Variants in ASPH observed in about 807,000 individuals in gnomAD.
ASPH encodes aspartate beta-hydroxylase, also known as aspartyl/asparaginyl beta-hydroxylase.
ASPH carries 100 observed loss-of-function variants against 118.4 expected under a neutral mutation model. The ratio of observed to expected loss-of-function variants is 0.84; its 90% CI spans 0.72 to 1.00. The LOEUF is 1.00. Among genes scored for constraint, ASPH ranks in the 50% least tolerant of loss-of-function variants. The probability of loss-of-function intolerance (pLI) is 0.00; values close to 1 mark genes in which losing one functional copy is unlikely to be tolerated. For missense variants in ASPH, 920 were observed against 919.5 expected (o/e 1.00, Z -0.01); for synonymous variants, 315 against 325.6 (o/e 0.97, Z 0.35).
At chr8:61,650,636 A>C (rs904433608) in intron 5 of ASPH, among the ~76,000 whole-genome samples, 2 of 152,138 alleles carry the variant, frequency 1.3e-5, no homozygotes, top group Non-Finnish European at 2.9e-5. Flanking sequence ...AGTGCAACCT[A>C]TGTAATTAAA....
intron 21 of ASPH, among the ~76,000 whole-genome samples, chr8:61,544,291 T>C (rs533276687): frequency 6.6e-6 from 1 of 152,362 alleles, no homozygotes; most frequent in Non-Finnish European, 1.5e-5. Context: ...TACAGAGTTC[T>C]AAAGAAGTTG....
At chr8:61,665,624 TA>T in intron 3 of ASPH, 2 of 1,545,526 alleles carry the variant, frequency 1.3e-6, no homozygotes, top group Non-Finnish European at 1.7e-6. Context: ...ATTTTCCAAT[TA>T]AAGGAAAAAA....
At chr8:61,708,099 T>C (rs1278965606) in intron 1 of ASPH, among the ~76,000 whole-genome samples, 2 of 152,222 alleles carry the variant, frequency 1.3e-5, no homozygotes, top group African/African-American at 4.8e-5. Flanking sequence ...TCTAGGAATC[T>C]GATAATGTTT....
intron 14 of ASPH, among the ~76,000 whole-genome samples, chr8:61,605,583 GT>G (rs1316902437): frequency 1.3e-5 from 2 of 152,168 alleles, no homozygotes; most frequent in Non-Finnish European, 2.9e-5. Context: ...AATTAAATAA[GT>G]GATTTCACAC....
intron 4 of ASPH, among the ~76,000 whole-genome samples, chr8:61,652,164 T>C (rs1351403287): frequency 2.0e-5 from 3 of 152,234 alleles, no homozygotes; most frequent in Non-Finnish European, 4.4e-5. Flanking sequence ...TTATAGAGTC[T>C]GCCAATCGCC....
At chr8:61,683,367 G>C (rs1295944599) in intron 2 of ASPH, among the ~76,000 whole-genome samples, 1 of 151,924 alleles carries the variant, frequency 6.6e-6, no homozygotes, top group Non-Finnish European at 1.5e-5. Flanking sequence ...AGGAGAATGT[G>C]ACTCCAAAAA....
chr8:61,591,072 T>G (rs73265171), intron 14 of ASPH, among the ~76,000 whole-genome samples: 5,374 of 152,258 alleles, frequency 0.035, 310 homozygotes, highest in African/African-American at 0.12. Flanking sequence ...CCCACCTTCC[T>G]CCCTTGCTGG....
At chr8:61,624,874 C>T (rs549943093) in intron 13 of ASPH, 17 of 985,534 alleles carry the variant, frequency 1.7e-5, no homozygotes, top group South Asian at 9.4e-5. Flanking sequence ...TCTGTATCAC[C>T]GACAGCACAG....
rs1400141448 is a variant in ASPH at position 61,501,251 on chromosome 8, T to G, written c.*2108A>C. On this transcript the variant is annotated 3_prime_UTR_variant, in exon 25 of 25. Transcript: ENST00000379454. ...AAGTGAATTAGAAAATCCATTTTATTGCTTGGGTTTAAAATAGTTGTGGGA... is the reference window on the plus strand; with the variant it reads ...AAGTGAATTAGAAAATCCATTTTATGGCTTGGGTTTAAAATAGTTGTGGGA... 1 of 152,192 alleles carries G rather than the reference T, an allele frequency of 6.6e-6. No homozygotes were observed. Among genetic ancestry groups the G allele is most frequent in the East Asian group, 1.9e-4 (1 of 5,202 alleles). 9.4% of individuals were successfully genotyped at this position (152,192 alleles called of 1,614,324 possible).
chr8:61,665,088 T>C, intron 3 of ASPH: 3 of 1,401,728 alleles, frequency 2.1e-6, no homozygotes, highest in Non-Finnish European at 2.8e-6. Flanking sequence ...TATGAGACGG[T>C]ATATTTAAAT....
chr8:61,703,854 T>G (rs1364176567), intron 1 of ASPH, among the ~76,000 whole-genome samples: 2 of 152,196 alleles, frequency 1.3e-5, no homozygotes, highest in African/African-American at 2.4e-5. Context: ...GGATTTACAC[T>G]ACCTAGTTTT....
At chr8:61,689,113 C>T (rs1194439010) in intron 1 of ASPH, among the ~76,000 whole-genome samples, 1 of 152,022 alleles carries the variant, frequency 6.6e-6, no homozygotes, top group Non-Finnish European at 1.5e-5. Context: ...CAAATATATA[C>T]AAAACATTAA....
At chr8:61,665,130 T>G (rs754214542) in intron 3 of ASPH, 41 of 1,467,676 alleles carry the variant, frequency 2.8e-5, no homozygotes, top group Non-Finnish European at 3.5e-5. Flanking sequence ...GCACCAATGA[T>G]ACATTCAATG....
At position 61,526,016 on chromosome 8, in the gene ASPH, C is replaced by G; in HGVS notation, c.1861G>C (p.Glu621Gln). The G allele has an allele frequency of 1.2e-6, 2 of 1,614,014 alleles. No homozygotes were observed. Among genetic ancestry groups the G allele is most frequent in the Non-Finnish European group, 1.7e-6 (2 of 1,179,926 alleles). The change falls in exon 22 of 25, where the codon GAA becomes CAA. Residue 621 changes from glutamate to glutamine, a missense_variant. By Grantham distance (29) the Glu-to-Gln change is conservative (BLOSUM62 2). Coordinates refer to ENST00000379454, the MANE Select transcript of ASPH (RefSeq NM_004318.4). ...LFLPEDENLR[E>Q]KGDWSQFTLW... ...GTGAACTGGCTCCAGTCCCCTTTTT[C>G]CCTCAGGTTTTCATCCTCAGGCAGG...
chr8:61,578,862 G>C (rs1176283470), intron 15 of ASPH: 7 of 1,612,766 alleles, frequency 4.3e-6, no homozygotes, highest in Non-Finnish European at 5.9e-6. Flanking sequence ...GTCTCGCCTG[G>C]AAGGGCTGAC....
intron 22 of ASPH, among the ~76,000 whole-genome samples, chr8:61,524,295 G>T (rs1465514368): frequency 6.6e-6 from 1 of 151,820 alleles, no homozygotes; most frequent in Non-Finnish European, 1.5e-5. Context: ...AGCTTTAAAT[G>T]CTATTATTAA....
intron 13 of ASPH, among the ~76,000 whole-genome samples, 188 bp from the exon 14 acceptor site, chr8:61,619,207 G>T (rs1035890810): frequency 6.6e-6 from 1 of 152,064 alleles, no homozygotes; most frequent in African/African-American, 2.4e-5. Context: ...CAAGATTTGG[G>T]CATATTTCAA....
In ASPH at chr8:61,583,994, C is replaced by A; in HGVS notation, c.1012G>T (p.Asp338Tyr). 6.3e-7 allele frequency: 1 copy of A among 1,577,060 alleles called. No homozygotes were observed. Among genetic ancestry groups the A allele is most frequent in the Non-Finnish European group, 8.6e-7 (1 of 1,160,544 alleles). The change falls in exon 15 of 25, where the codon GAT becomes TAT. Residue 338 changes from aspartate to tyrosine, a missense_variant. Physicochemically the swap from Asp to Tyr is radical, Grantham distance 160. Coordinates refer to ENST00000379454, the MANE Select transcript of ASPH (RefSeq NM_004318.4). ...TCAAGTTCAGCTTTAATAGTCTTAT[C>A]AAATTTATTTAAAAGTTTAGGCTTC... ...KKKPKLLNKF[D>Y]KTIKAELDAA...
At chr8:61,564,272 A>T (rs568650262) in intron 17 of ASPH, among the ~76,000 whole-genome samples, 113 of 152,186 alleles carry the variant, frequency 7.4e-4, no homozygotes, top group Non-Finnish European at 1.5e-3. Context: ...GACTGAGGCA[A>T]GAGGAAAACT....
Sources: gnomAD v4.1 joint callset for allele counts (sites outside exome capture counted in the v4.1 genomes callset) on GRCh38, gnomAD v4.1.1 for gene constraint, MANE v1.5 for transcripts, NCBI Gene and HGNC (gene_info 2026-07-23, HGNC 2026-07-21) for gene names.